The following MTRF1 variants were observed in gnomAD, a reference collection of about 807,000 sequenced individuals.
MTRF1 encodes mitochondrial translation release factor 1.
A neutral mutation model predicts 62.9 loss-of-function variants in MTRF1; 51 were observed. That is an observed-to-expected ratio of 0.81 (90% CI 0.65 to 1.02). The LOEUF (loss-of-function observed/expected upper bound fraction) is 1.02. Ranked by LOEUF, MTRF1 falls within the 50% of genes least tolerant of loss-of-function variation. The pLI is 0.00. For synonymous variants in MTRF1, 158 were observed against 181.9 expected (o/e 0.87, Z 1.06); for missense variants, 446 against 530.0 (o/e 0.84, Z 1.56).
chr13:41,306,866 GT>G, the MTRF1 span, among the ~76,000 whole-genome samples: 1 of 152,148 alleles, frequency 6.6e-6, no homozygotes, highest in African/African-American at 2.4e-5. Flanking sequence ...CACAGTATTT[GT>G]TTTTTATCAC....
chr13:41,291,360 A>C, the MTRF1 span, among the ~76,000 whole-genome samples: 7,963 of 151,870 alleles, frequency 0.052, 278 homozygotes, highest in Non-Finnish European at 0.074. Context: ...GTATTTTTAG[A>C]AGAGACGGGG....
intron 7 of MTRF1, among the ~76,000 whole-genome samples, chr13:41,227,390 T>C (rs964877795): frequency 2.6e-5 from 4 of 151,906 alleles, no homozygotes; most frequent in African/African-American, 9.7e-5. Flanking sequence ...TGTTTCTGAG[T>C]TTTCTGAGTT....
the MTRF1 span, among the ~76,000 whole-genome samples, chr13:41,298,392 A>ATAGGTCTGAATATTGTTTAAAAT: frequency 6.6e-6 from 1 of 150,706 alleles, no homozygotes; most frequent in Admixed American, 6.6e-5. Flanking sequence ...CACTATTACG[A>ATAGGTCTGAATATTGTTTAAAAT]AGTTACACTC....
At chr13:41,302,467 GGA>G in the MTRF1 span, among the ~76,000 whole-genome samples, 5 of 151,994 alleles carry the variant, frequency 3.3e-5, no homozygotes, top group African/African-American at 1.2e-4. Context: ...CTATATTTGG[GGA>G]ATCATTTCTG....
the MTRF1 span, among the ~76,000 whole-genome samples, chr13:41,297,899 A>G: frequency 6.6e-6 from 1 of 152,066 alleles, no homozygotes. Context: ...AAAACTGTTC[A>G]CTATTTAACA....
chr13:41,281,570 T>C, the MTRF1 span, among the ~76,000 whole-genome samples: 4 of 152,134 alleles, frequency 2.6e-5, no homozygotes, highest in African/African-American at 9.7e-5. Flanking sequence ...GCAGTATCTA[T>C]ATCTTATGCT....
the MTRF1 span, among the ~76,000 whole-genome samples, chr13:41,288,507 C>A: frequency 6.6e-6 from 1 of 152,192 alleles, no homozygotes; most frequent in Non-Finnish European, 1.5e-5. Flanking sequence ...AATTAATTCA[C>A]ATGGACAATT....
At chr13:41,287,511 T>C in the MTRF1 span, among the ~76,000 whole-genome samples, 1 of 152,134 alleles carries the variant, frequency 6.6e-6, no homozygotes, top group Admixed American at 6.5e-5. Context: ...TCTAAAAAAA[T>C]AAGGCTTTAA....
intron 7 of MTRF1, among the ~76,000 whole-genome samples, chr13:41,228,810 A>G (rs1183065699): frequency 1.3e-5 from 2 of 152,252 alleles, no homozygotes; most frequent in African/African-American, 4.8e-5. Context: ...TAGAAAAAAA[A>G]TACGATTCTT....
chr13:41,220,323 G>GAAA (rs1555243201), intron 9 of MTRF1, among the ~76,000 whole-genome samples: 12 of 93,322 alleles, frequency 1.3e-4, no homozygotes, highest in African/African-American at 3.3e-4. Context: ...AATCTGTCTC[G>GAAA]GAAAAAAAAA....
At chr13:41,242,248 A>G (rs1053859529) in intron 5 of MTRF1, among the ~76,000 whole-genome samples, 1 of 152,230 alleles carries the variant, frequency 6.6e-6, no homozygotes, top group Non-Finnish European at 1.5e-5. Context: ...TAAATCAAGC[A>G]CAATTATTAT....
chr13:41,230,116 A>G (rs1408040948), intron 7 of MTRF1, among the ~76,000 whole-genome samples: 2 of 151,998 alleles, frequency 1.3e-5, no homozygotes, highest in Non-Finnish European at 2.9e-5. Context: ...AAAAAAAAAA[A>G]AGTATAACTT....
intron 2 of MTRF1, among the ~76,000 whole-genome samples, chr13:41,256,666 C>T (rs2039772240): frequency 6.6e-6 from 1 of 152,106 alleles, no homozygotes; most frequent in Non-Finnish European, 1.5e-5. Context: ...ACATTGTGCA[C>T]ATATGCCACA....
chr13:41,273,953 TAAAAGAC>T, the MTRF1 span, among the ~76,000 whole-genome samples: 1 of 152,316 alleles, frequency 6.6e-6, no homozygotes, highest in East Asian at 1.9e-4. Flanking sequence ...CATAGGTAGA[TAAAAGAC>T]AAATGATTGC....
the MTRF1 span, chr13:41,311,506 A>T: frequency 6.3e-7 from 1 of 1,587,606 alleles, no homozygotes; most frequent in African/African-American, 1.3e-5. Flanking sequence ...CCTGCCGGCC[A>T]CCTAGCCTCC....
At position 41,218,281 on chromosome 13, in the gene MTRF1, ATTTTTTTTTTTTTT is replaced by A. The variant is rs199717534; in HGVS notation, c.1225-1067_1225-1054del. Among the ~76,000 whole-genome samples the A allele has an allele frequency of 3.4e-5, 4 of 117,890 alleles. No individual in the cohort carries two copies. The East Asian group carries it at 6.4e-4, about 19-fold the overall frequency. The allele number at this position is 117,890 out of a possible 152,430, so 77.3% of individuals were successfully genotyped here. On this transcript the variant is annotated intron_variant, in intron 9 of 9. Transcript: ENST00000379480. Reference sequence around the variant, plus strand: ...CAGGCACATGCTACACACCCAGCTAATTTTTTTTTTTTTTTTTTTTTTTTTTTTTGTAGAGATAG... The same window carrying A: ...CAGGCACATGCTACACACCCAGCTAATTTTTTTTTTTTTTTGTAGAGATAG...
At chr13:41,312,035 A>G in the MTRF1 span, among the ~76,000 whole-genome samples, 2 of 152,326 alleles carry the variant, frequency 1.3e-5, no homozygotes, top group African/African-American at 2.4e-5. Context: ...GCACACCCGC[A>G]TACCTATTAA....
intron 2 of MTRF1, among the ~76,000 whole-genome samples, chr13:41,254,882 C>T (rs1566161114): frequency 6.6e-6 from 1 of 151,550 alleles, no homozygotes; most frequent in Non-Finnish European, 1.5e-5. Context: ...TAGCTTAAAA[C>T]ATTTCATCTC....
intron 5 of MTRF1, among the ~76,000 whole-genome samples, chr13:41,242,280 G>A (rs188735120): frequency 1.1e-4 from 16 of 152,204 alleles, no homozygotes; most frequent in Admixed American, 3.9e-4. Context: ...TAGTCCCATC[G>A]TTGGCCCATA....
Sources: gnomAD v4.1 joint callset for allele counts (sites outside exome capture counted in the v4.1 genomes callset) on GRCh38, gnomAD v4.1.1 for gene constraint, MANE v1.5 for transcripts, NCBI Gene and HGNC (gene_info 2026-07-23, HGNC 2026-07-21) for gene names.